The following PPP3CA variants were observed in gnomAD, a reference collection of about 807,000 sequenced individuals.
PPP3CA encodes protein phosphatase 3 catalytic subunit alpha, also known as CAM-PRP catalytic subunit.
A neutral mutation model predicts 66.5 loss-of-function variants in PPP3CA; 14 were observed. The observed-to-expected ratio is 0.21, with a 90% CI of 0.14 to 0.33. PPP3CA has a LOEUF of 0.33. Among genes scored for constraint, PPP3CA ranks in the 10% least tolerant of loss-of-function variants. The pLI is 1.00. For missense variants in PPP3CA, 317 were observed against 639.5 expected, an observed-to-expected ratio of 0.50 and a Z score of 5.44; for synonymous variants, 232 against 226.2, an observed-to-expected ratio of 1.03 and a Z score of -0.23.
intron 2 of PPP3CA, among the ~76,000 whole-genome samples, chr4:101,109,329 A>G (rs1721577007): frequency 1.3e-5 from 2 of 150,274 alleles, no homozygotes; most frequent in Non-Finnish European, 3.0e-5. Context: ...AAAAAAAAAA[A>G]AAGAAGAGAA....
chr4:101,056,608 C>T (rs973357216), intron 10 of PPP3CA, among the ~76,000 whole-genome samples: 3 of 152,068 alleles, frequency 2.0e-5, no homozygotes, highest in East Asian at 1.9e-4. Flanking sequence ...TGATAAATGA[C>T]TCATGAAGGG....
chr4:101,124,715 AAGAAAGAAAGAGAAAGAAAGAAAGAAAG>A (rs1722160479), intron 2 of PPP3CA, among the ~76,000 whole-genome samples: 7 of 88,092 alleles, frequency 7.9e-5, no homozygotes, highest in African/African-American at 3.1e-4. Context: ...GAAAGAAAGA[AAGAAAGAAAGAGAAAGAAAGAAAGAAAG>A]AAAGAAAGAA....
intron 10 of PPP3CA, among the ~76,000 whole-genome samples, chr4:101,048,264 GTGGCTGAGGATGTGAAAATGGATTC>G (rs1727854547): frequency 6.6e-6 from 1 of 152,118 alleles, no homozygotes; most frequent in Non-Finnish European, 1.5e-5. Flanking sequence ...AAGACTTATG[GTGGCTGAGGATGTGAAAATGGATTC>G]CTTTTAACTC....
At chr4:101,314,569 CAAAAAAAA>C (rs748980814) in intron 1 of PPP3CA, among the ~76,000 whole-genome samples, 2 of 75,256 alleles carry the variant, frequency 2.7e-5, no homozygotes, top group African/African-American at 4.9e-5. Context: ...ATCTCAAAAC[CAAAAAAAA>C]AAAAAAAAAA....
At chr4:101,106,431 A>AG (rs1223043595) in intron 3 of PPP3CA, among the ~76,000 whole-genome samples, 1 of 13,658 alleles carries the variant, frequency 7.3e-5, no homozygotes, top group Admixed American at 1.0e-3. Flanking sequence ...GAAAGAAAGA[A>AG]AGAAAGAAAG....
chr4:101,198,389 G>A (rs1438075605), intron 1 of PPP3CA, among the ~76,000 whole-genome samples: 1 of 152,162 alleles, frequency 6.6e-6, no homozygotes, highest in Non-Finnish European at 1.5e-5. Context: ...CAAGATATGG[G>A]CTGGGGGCTA....
intron 1 of PPP3CA, among the ~76,000 whole-genome samples, chr4:101,234,107 T>C (rs1007752773): frequency 2.0e-5 from 3 of 151,820 alleles, no homozygotes; most frequent in African/African-American, 2.4e-5. Flanking sequence ...CAGTATTCCA[T>C]GGCGTATATG....
intron 1 of PPP3CA, among the ~76,000 whole-genome samples, chr4:101,322,057 C>A (rs1429481155): frequency 1.3e-5 from 2 of 152,180 alleles, no homozygotes; most frequent in African/African-American, 4.8e-5. Flanking sequence ...CTCTTTTGAA[C>A]ATATTTAGGC....
chr4:101,301,463 T>G (rs1728373874), intron 1 of PPP3CA, among the ~76,000 whole-genome samples: 1 of 146,726 alleles, frequency 6.8e-6, no homozygotes, highest in Admixed American at 6.8e-5. Context: ...TTATATATTA[T>G]ATATATTATA....
intron 1 of PPP3CA, among the ~76,000 whole-genome samples, chr4:101,311,975 T>C (rs1728736485): frequency 6.6e-6 from 1 of 152,228 alleles, no homozygotes; most frequent in Non-Finnish European, 1.5e-5. Context: ...TAATATCTAC[T>C]ACTTTGTATC....
At chr4:101,191,002 T>C (rs1486542920) in intron 2 of PPP3CA, among the ~76,000 whole-genome samples, 1 of 152,312 alleles carries the variant, frequency 6.6e-6, no homozygotes, top group East Asian at 1.9e-4. Context: ...TGTAGTATAA[T>C]AGCTAAGCAT....
intron 1 of PPP3CA, among the ~76,000 whole-genome samples, chr4:101,324,444 G>C (rs1234466302): frequency 6.6e-6 from 1 of 152,060 alleles, no homozygotes; most frequent in African/African-American, 2.4e-5. Flanking sequence ...TGCTTTTACT[G>C]AGTACTCACT....
At chr4:101,055,720 C>T (rs573273104) in intron 10 of PPP3CA, among the ~76,000 whole-genome samples, 12 of 152,164 alleles carry the variant, frequency 7.9e-5, no homozygotes, top group African/African-American at 2.6e-4. Context: ...AAATTTTTTA[C>T]AAGATGAAAC....
intron 2 of PPP3CA, among the ~76,000 whole-genome samples, chr4:101,124,921 A>C (rs1722199313): frequency 2.0e-5 from 3 of 152,226 alleles, no homozygotes; most frequent in Admixed American, 2.0e-4. Flanking sequence ...CAGGTTACTG[A>C]ATTATTAATT....
intron 2 of PPP3CA, among the ~76,000 whole-genome samples, chr4:101,187,232 C>G (rs530094406): frequency 1.3e-5 from 2 of 152,200 alleles, no homozygotes; most frequent in South Asian, 4.1e-4. Context: ...CTATTATCAC[C>G]TCTTCTTATT....
At chr4:101,334,114 G>A (rs970973447) in intron 1 of PPP3CA, among the ~76,000 whole-genome samples, 1 of 151,494 alleles carries the variant, frequency 6.6e-6, no homozygotes, top group Admixed American at 6.6e-5. Context: ...TGGGAAATAA[G>A]GACATATAGA....
chr4:101,158,165 C>T (rs1369450362), intron 2 of PPP3CA: 1 of 151,952 alleles, frequency 6.6e-6, no homozygotes, highest in African/African-American at 2.4e-5. Context: ...AGAAGAAAAA[C>T]CCACCAGAAA....
chr4:101,075,775 T>C (rs1249849178), intron 8 of PPP3CA, among the ~76,000 whole-genome samples: 1 of 152,188 alleles, frequency 6.6e-6, no homozygotes, highest in Non-Finnish European at 1.5e-5. Context: ...TTAGTCCCCA[T>C]AGACTAATTT....
Position 101,162,147 on chromosome 4 carries a change from G to A in PPP3CA, c.259+33769C>T, listed in dbSNP as rs113795366. ...CCCAGATACTGGGGAGGCTGAGGGA[G>A]GAGAACCACTTGAACCTAGGAGGGG... On this transcript the variant is annotated intron_variant, in intron 2 of 13. Transcript: ENST00000394854. Among the ~76,000 whole-genome samples, 176 of 152,206 alleles carry A rather than the reference G, an allele frequency of 1.2e-3. 1 individual carries two copies. Among genetic ancestry groups the A allele is most frequent in the African/African-American group, 4.1e-3 (172 of 41,504 alleles).
Sources: gnomAD v4.1 joint callset for allele counts (sites outside exome capture counted in the v4.1 genomes callset) on GRCh38, gnomAD v4.1.1 for gene constraint, MANE v1.5 for transcripts, NCBI Gene and HGNC (gene_info 2026-07-23, HGNC 2026-07-21) for gene names.